The following TENM3 variants were observed in gnomAD, a reference collection of about 807,000 sequenced individuals.
TENM3 encodes teneurin-3.
In TENM3, 63 loss-of-function variants were observed where a neutral mutation model predicts 255.1. The observed-to-expected ratio is 0.25, with a 90% CI of 0.20 to 0.30. The LOEUF (loss-of-function observed/expected upper bound fraction) is 0.30, where lower values mean the gene tolerates loss of function less well. TENM3 is among the 10% of genes least tolerant of loss of function. The pLI is 1.00. For synonymous variants in TENM3, 1,306 were observed against 1,322.3 expected, an observed-to-expected ratio of 0.99 and a Z score of 0.27; for missense variants, 2,929 against 3,461.1, an observed-to-expected ratio of 0.85 and a Z score of 3.86.
chr4:181,683,088 A>C, the TENM3 span, among the ~76,000 whole-genome samples: 1 of 151,726 alleles, frequency 6.6e-6, no homozygotes, highest in East Asian at 1.9e-4. Context: ...AGATAAATAA[A>C]ATTTTAAAAA....
chr4:182,584,385 T>C (rs866925962), intron 3 of TENM3, among the ~76,000 whole-genome samples: 2 of 152,326 alleles, frequency 1.3e-5, no homozygotes, highest in South Asian at 4.2e-4. Flanking sequence ...CTTTACATTT[T>C]TACATGTTTT....
chr4:182,257,726 A>T (rs1758505829), intron 1 of TENM3, among the ~76,000 whole-genome samples: 1 of 152,170 alleles, frequency 6.6e-6, no homozygotes, highest in Admixed American at 6.6e-5. Context: ...GCCCTTTGAG[A>T]TGGGTATTAC....
chr4:182,102,342 C>T, the TENM3 span, among the ~76,000 whole-genome samples: 2 of 152,164 alleles, frequency 1.3e-5, no homozygotes, highest in African/African-American at 4.8e-5. Flanking sequence ...GATAGCCTCT[C>T]ATGTGTCCAC....
chr4:182,278,725 T>A (rs1760173939), intron 1 of TENM3, among the ~76,000 whole-genome samples: 2 of 151,874 alleles, frequency 1.3e-5, no homozygotes, highest in Admixed American at 1.3e-4. Flanking sequence ...TTTCGTGATT[T>A]GATTAATGAA....
chr4:182,481,047 C>A lies in TENM3; in HGVS notation c.512-119877C>A, dbSNP rs79638560. On this transcript the variant is annotated intron_variant, in intron 3 of 27. Coordinates refer to ENST00000511685, the MANE Select transcript of TENM3 (RefSeq NM_001080477.4). ...TTCTTTTTTAATATAATCCTCTTAT[C>A]TATTGCTTGGGGTTAGAAGTTGAGA... is the stretch of plus-strand genomic sequence containing the variant. Among the ~76,000 whole-genome samples, 1,151 of 147,042 alleles carry A rather than the reference C, an allele frequency of 7.8e-3. 5 individuals are homozygous for A. Among genetic ancestry groups the A allele is most frequent in the Non-Finnish European group, 0.013 (864 of 66,656 alleles).
intron 3 of TENM3, among the ~76,000 whole-genome samples, chr4:182,458,833 G>A (rs1172325697): frequency 6.6e-6 from 1 of 152,102 alleles, no homozygotes; most frequent in African/African-American, 2.4e-5. Context: ...TAGGAAAAAA[G>A]GAGTGTGCTT....
chr4:181,832,293 G>T, the TENM3 span, among the ~76,000 whole-genome samples: 1 of 152,234 alleles, frequency 6.6e-6, no homozygotes, highest in Admixed American at 6.5e-5. Context: ...GACTTGCAAT[G>T]TGGCCAATTT....
At chr4:182,363,209 G>A (rs1766152943) in intron 3 of TENM3, among the ~76,000 whole-genome samples, 1 of 152,130 alleles carries the variant, frequency 6.6e-6, no homozygotes, top group African/African-American at 2.4e-5. Flanking sequence ...TAGGATTGCT[G>A]TCAGGACTAG....
the TENM3 span, among the ~76,000 whole-genome samples, chr4:181,845,814 A>G: frequency 6.6e-6 from 1 of 152,340 alleles, no homozygotes; most frequent in South Asian, 2.1e-4. Flanking sequence ...AGTCATTACT[A>G]CAGGTTACAG....
chr4:182,469,485 C>G (rs1041365666), intron 3 of TENM3, among the ~76,000 whole-genome samples: 2 of 152,078 alleles, frequency 1.3e-5, no homozygotes, highest in African/African-American at 2.4e-5. Context: ...GAGGCTGAGG[C>G]AGGCATATCA....
chr4:182,247,548 T>G (rs1757737758), intron 1 of TENM3, among the ~76,000 whole-genome samples: 2 of 152,212 alleles, frequency 1.3e-5, no homozygotes, highest in Admixed American at 1.3e-4. Context: ...TCACAAAGTG[T>G]TGTTAGGCAA....
chr4:181,878,661 C>G, the TENM3 span, among the ~76,000 whole-genome samples: 3 of 152,052 alleles, frequency 2.0e-5, no homozygotes, highest in Non-Finnish European at 4.4e-5. Flanking sequence ...GCTCATCTGT[C>G]TATTCATTCA....
At chr4:182,094,954 AAAG>A in the TENM3 span, among the ~76,000 whole-genome samples, 1,510 of 142,604 alleles carry the variant, frequency 0.011, 24 homozygotes, top group African/African-American at 0.034. Context: ...AAAAAAAAAA[AAAG>A]GAAATTTTTA....
chr4:182,540,238 A>G (rs1740727419), intron 3 of TENM3, among the ~76,000 whole-genome samples: 1 of 152,212 alleles, frequency 6.6e-6, no homozygotes, highest in Non-Finnish European at 1.5e-5. Flanking sequence ...CTAAAATTCA[A>G]GATGTTGTAT....
the TENM3 span, among the ~76,000 whole-genome samples, chr4:181,861,350 C>T: frequency 2.0e-5 from 3 of 152,134 alleles, no homozygotes; most frequent in African/African-American, 7.2e-5. Context: ...GAGGAACATT[C>T]CGCCTTTCGA....
At chr4:182,677,548 C>T (rs1460322965) in intron 7 of TENM3, among the ~76,000 whole-genome samples, 1 of 152,144 alleles carries the variant, frequency 6.6e-6, no homozygotes, top group Non-Finnish European at 1.5e-5. Context: ...GAGACAGAGT[C>T]ACCATTCAAA....
chr4:182,084,159 T>C, the TENM3 span, among the ~76,000 whole-genome samples: 21 of 152,170 alleles, frequency 1.4e-4, no homozygotes, highest in African/African-American at 4.8e-4. Context: ...AGAAAAAATA[T>C]GGCCTCCCGC....
chr4:181,605,469 AG>A, the TENM3 span, among the ~76,000 whole-genome samples: 47 of 135,076 alleles, frequency 3.5e-4, no homozygotes, highest in African/African-American at 1.3e-3. Context: ...AGAGAGAGAG[AG>A]AGAGAAACAG....
At chr4:182,252,205 A>C (rs1374492865) in intron 1 of TENM3, among the ~76,000 whole-genome samples, 1 of 152,042 alleles carries the variant, frequency 6.6e-6, no homozygotes, top group Non-Finnish European at 1.5e-5. Flanking sequence ...CAACAAAAAA[A>C]TGTGGTTGCT....
Sources: allele counts gnomAD v4.1 joint callset (sites outside exome capture counted in the v4.1 genomes callset), GRCh38; gene constraint gnomAD v4.1.1; transcripts MANE v1.5; gene names NCBI Gene and HGNC (gene_info 2026-07-23, HGNC 2026-07-21).